The following MYCBP variants were observed in gnomAD, a reference collection of about 807,000 sequenced individuals.
MYCBP encodes the protein MYC binding protein.
MYCBP carries 5 observed loss-of-function variants against 16.8 expected under a neutral mutation model. The observed-to-expected ratio is 0.30, with a 90% CI of 0.16 to 0.63. The LOEUF (loss-of-function observed/expected upper bound fraction) is 0.63, where lower values mean the gene tolerates loss of function less well. Ranked by LOEUF, MYCBP falls within the 20% of genes least tolerant of loss-of-function variation. The pLI is 0.83. For missense variants in MYCBP, 103 were observed against 121.8 expected, an observed-to-expected ratio of 0.85 and a Z score of 0.73; for synonymous variants, 35 against 43.7, an observed-to-expected ratio of 0.80 and a Z score of 0.79.
At chr1:38,872,477 C>T (rs1642485778) in intron 2 of MYCBP, 1 of 153,236 alleles carries the variant, frequency 6.5e-6, no homozygotes. Flanking sequence ...AGCTGTAATT[C>T]TACTTTATGA....
intron 2 of MYCBP, among the ~76,000 whole-genome samples, chr1:38,870,887 C>T (rs1008313545): frequency 7.2e-6 from 1 of 139,602 alleles, no homozygotes; most frequent in Admixed American, 7.2e-5. Flanking sequence ...TTTAATAAAT[C>T]ACATCAATAC....
chr1:38,869,376 C>G (rs770657144), intron 2 of MYCBP, among the ~76,000 whole-genome samples: 29 of 152,234 alleles, frequency 1.9e-4, no homozygotes, highest in Non-Finnish European at 3.4e-4. Flanking sequence ...GTGTGAGCCA[C>G]CACACCTGGC....
chr1:38,870,765 A>G (rs1461769523), intron 2 of MYCBP, among the ~76,000 whole-genome samples: 1 of 122,314 alleles, frequency 8.2e-6, no homozygotes, highest in Admixed American at 1.1e-4. Context: ...TGCAGTCCGC[A>G]GTCCGGCCTG....
At chr1:38,866,065 T>TTTTTTTTTTTTTA (rs1642329983) in intron 4 of MYCBP, among the ~76,000 whole-genome samples, 6 of 146,102 alleles carry the variant, frequency 4.1e-5, no homozygotes, top group Non-Finnish European at 7.5e-5. Context: ...TTTTTTTTTT[T>TTTTTTTTTTTTTA]GAGACAGAGT....
intron 2 of MYCBP, among the ~76,000 whole-genome samples, chr1:38,871,427 CTTTTT>C (rs71573793): frequency 3.6e-5 from 4 of 110,590 alleles, no homozygotes; most frequent in Middle Eastern, 5.8e-3. Context: ...CCACCTGTCA[CTTTTT>C]TTTTTTTTTT....
chr1:38,867,646 G>A (rs765833523), intron 2 of MYCBP, 36 bp from the exon 3 acceptor site: 25 of 1,593,076 alleles, frequency 1.6e-5, no homozygotes, highest in South Asian at 5.5e-5. Context: ...AACAATTGAC[G>A]TATTAAATTT....
chr1:38,863,610 A>C lies in MYCBP; in HGVS notation c.*1060T>G, dbSNP rs1642281693. The C allele has an allele frequency of 6.5e-6, 1 of 152,704 alleles. No homozygotes were observed. The highest frequency in any genetic ancestry group is 6.5e-5 in the Admixed American group (1 of 15,292). The allele number at this position is 152,704 out of a possible 1,614,324, so 9.5% of individuals were successfully genotyped here. A position where few individuals can be genotyped will look rare whatever the true frequency, so the allele number is the denominator to read the frequency against. ...GACATTCTACTCATTAAACAGATGA[A>C]GACAGTAAATCTCAGAGTAGTTCAC... On this transcript the variant is annotated 3_prime_UTR_variant, in exon 5 of 5. Transcript: ENST00000397572.
chr1:38,865,451 G>C (rs544844915), intron 4 of MYCBP, among the ~76,000 whole-genome samples: 12 of 152,292 alleles, frequency 7.9e-5, no homozygotes, highest in Non-Finnish European at 1.6e-4. Context: ...GGTAAGACCT[G>C]AAAGACTTAA....
In MYCBP at chr1:38,869,752, G is replaced by A. The variant is rs576417401; in HGVS notation, c.89-2142C>T. Among the ~76,000 whole-genome samples the A allele has an allele frequency of 3.9e-5, 6 of 152,048 alleles. No homozygotes were observed. In the South Asian group the frequency reaches 1.0e-3, roughly 26 times the overall value. On this transcript the variant is annotated intron_variant, in intron 2 of 4. Coordinates refer to ENST00000397572, the MANE Select transcript of MYCBP (RefSeq NM_012333.5). ...TTTCAAATCATCTTGGAAATAAGCT[G>A]TAAAAATTTAGGCCAAAGTGGCTCA...
At chr1:38,871,691 G>A (rs974173470) in intron 2 of MYCBP, among the ~76,000 whole-genome samples, 2 of 151,910 alleles carry the variant, frequency 1.3e-5, no homozygotes, top group African/African-American at 4.8e-5. Context: ...GAGATTACAG[G>A]CATGAGCCAC....
intron 3 of MYCBP, among the ~76,000 whole-genome samples, 158 bp downstream of exon 3, chr1:38,867,404 G>A (rs904619923): frequency 1.4e-5 from 2 of 144,862 alleles, no homozygotes; most frequent in Admixed American, 7.1e-5. Flanking sequence ...CCAAGATTGC[G>A]CCACTGCATT....
In MYCBP at chr1:38,864,491, C is replaced by T. The variant is rs1642296772; in HGVS notation, c.*179G>A. ...ACTTTGGATTCTCCTGCTTTAAGAC[C>T]CAAAGAAAGTTATATTGAGTTTTTA... On this transcript the variant is annotated 3_prime_UTR_variant, in exon 5 of 5. Coordinates refer to ENST00000397572, the MANE Select transcript of MYCBP (RefSeq NM_012333.5). The T allele has an allele frequency of 2.2e-5, 15 of 668,128 alleles. No individual in the cohort carries two copies. Among genetic ancestry groups the T allele is most frequent in the East Asian group, 5.8e-5 (2 of 34,710 alleles). 41.4% of individuals were successfully genotyped at this position (668,128 alleles called of 1,614,324 possible). A position where few individuals can be genotyped will look rare whatever the true frequency, so the allele number is the denominator to read the frequency against.
intron 2 of MYCBP, among the ~76,000 whole-genome samples, chr1:38,870,396 G>A (rs141601520): frequency 2.6e-5 from 4 of 152,018 alleles, no homozygotes; most frequent in Non-Finnish European, 5.9e-5. Flanking sequence ...AGTGGGTCAC[G>A]CCTGTAACGT....
intron 4 of MYCBP, among the ~76,000 whole-genome samples, chr1:38,865,803 A>C (rs1210228347): frequency 1.3e-5 from 2 of 152,256 alleles, no homozygotes; most frequent in East Asian, 3.9e-4. Flanking sequence ...GTCTCAAAAA[A>C]AGAAAGAAAA....
intron 3 of MYCBP, among the ~76,000 whole-genome samples, 198 bp downstream of exon 3, chr1:38,867,364 T>C (rs946083225): frequency 5.5e-4 from 83 of 151,698 alleles, no homozygotes; most frequent in Non-Finnish European, 2.4e-4. Context: ...GGAGAATCGC[T>C]TGAAGCCAGG....
In MYCBP at chr1:38,866,917, T is replaced by G. The variant is rs1023068130; in HGVS notation, c.230A>C (p.Glu77Ala). The G allele has an allele frequency of 6.3e-7, 1 of 1,583,408 alleles. No homozygotes were observed. Among genetic ancestry groups the G allele is most frequent in the East Asian group, 2.2e-5 (1 of 44,644 alleles). Residue 77 changes from glutamate to alanine, a missense_variant, in exon 4 of 5, where the codon GAA becomes GCA. Transcript: ENST00000397572. Reference protein sequence around the residue: ...LELAEMKEKYEAIVEENKKLK... With the variant: ...LELAEMKEKYAAIVEENKKLK... ...TTTTTTATTTTCTTCTACAATAGCT[T>G]CATACTTCTCTTTCATTTCGGCCAG...
chr1:38,866,209 C>T (rs9439076), intron 4 of MYCBP, among the ~76,000 whole-genome samples: 52,490 of 151,050 alleles, frequency 0.35, 10,530 homozygotes, highest in Non-Finnish European at 0.44. Flanking sequence ...CCACCAAGCC[C>T]GGCTAATTTT....
chr1:38,866,661 C>A (rs1186225822), intron 4 of MYCBP, among the ~76,000 whole-genome samples: 2 of 152,076 alleles, frequency 1.3e-5, no homozygotes, highest in African/African-American at 2.4e-5. Flanking sequence ...GTGATCTACC[C>A]ACCTCGGCCT....
chr1:38,868,974 G>A (rs754725949), intron 2 of MYCBP, among the ~76,000 whole-genome samples: 5 of 151,794 alleles, frequency 3.3e-5, no homozygotes, highest in Non-Finnish European at 5.9e-5. Flanking sequence ...GTTAAGTCCT[G>A]TTGTAAACCA....
Sources: allele counts gnomAD v4.1 joint callset (sites outside exome capture counted in the v4.1 genomes callset), GRCh38; gene constraint gnomAD v4.1.1; transcripts MANE v1.5; gene names NCBI Gene and HGNC (gene_info 2026-07-23, HGNC 2026-07-21).